SLC35F4: variants seen among roughly 807,000 people sequenced by gnomAD.
SLC35F4 encodes solute carrier family 35 member F4, also known as chromosome 14 open reading frame 36.
In SLC35F4, 24 loss-of-function variants were observed where a neutral mutation model predicts 44.2. That is an observed-to-expected ratio of 0.54 (90% CI 0.39 to 0.76). SLC35F4 has a LOEUF of 0.76. SLC35F4 is among the 30% of genes least tolerant of loss of function. SLC35F4 has a pLI of 0.00. For missense variants in SLC35F4, 562 were observed against 586.1 expected, an observed-to-expected ratio of 0.96 and a Z score of 0.42; for synonymous variants, 238 against 223.6, an observed-to-expected ratio of 1.06 and a Z score of -0.57.
chr14:57,696,360 C>G (rs2075384050), intron 1 of SLC35F4, among the ~76,000 whole-genome samples: 1 of 152,202 alleles, frequency 6.6e-6, no homozygotes, highest in Non-Finnish European at 1.5e-5. Context: ...ATCTAAACCA[C>G]AATGAGATAC....
chr14:57,903,836 A>C (rs1334331792), intron 1 of SLC35F4, among the ~76,000 whole-genome samples: 1 of 152,116 alleles, frequency 6.6e-6, no homozygotes, highest in Non-Finnish European at 1.5e-5. Flanking sequence ...GTCGTTTAAA[A>C]CTCATTTCCA....
chr14:57,881,757 T>C (rs1371894834), intron 1 of SLC35F4, among the ~76,000 whole-genome samples: 2 of 152,126 alleles, frequency 1.3e-5, no homozygotes, highest in African/African-American at 4.8e-5. Flanking sequence ...CTGATCTCCT[T>C]CTTGAACCCC....
intron 1 of SLC35F4, among the ~76,000 whole-genome samples, chr14:57,947,258 T>G (rs1448839570): frequency 4.0e-5 from 6 of 151,804 alleles, no homozygotes; most frequent in Admixed American, 2.6e-4. Context: ...TTTGTTTTTT[T>G]TTTTTTGGTT....
chr14:57,870,370 C>G (rs1442931023), upstream of SLC35F4, among the ~76,000 whole-genome samples: 5 of 152,020 alleles, frequency 3.3e-5, no homozygotes. Context: ...TCATTTCTGA[C>G]CTCATCATTT....
At chr14:57,631,705 C>A (rs1443963470) in intron 1 of SLC35F4, among the ~76,000 whole-genome samples, 1 of 152,066 alleles carries the variant, frequency 6.6e-6, no homozygotes, top group Non-Finnish European at 1.5e-5. Flanking sequence ...AAGCAAGAGT[C>A]AGATCTTCTG....
At chr14:57,697,025 G>A (rs937901591) in intron 1 of SLC35F4, among the ~76,000 whole-genome samples, 9 of 152,122 alleles carry the variant, frequency 5.9e-5, no homozygotes, top group Admixed American at 1.3e-4. Flanking sequence ...ACCATGGCAC[G>A]TGTATACCTA....
Position 57,726,443 on chromosome 14 carries a change from C to T in SLC35F4, c.104-132319G>A, listed in dbSNP as rs988949630. ...AGGACTGCAATTGTCATTAATACTTCCTCCTTCTTTTGTTAAAAACATGTT... is the reference window on the plus strand; with the variant it reads ...AGGACTGCAATTGTCATTAATACTTTCTCCTTCTTTTGTTAAAAACATGTT... On this transcript the variant is annotated intron_variant, in intron 1 of 7. Transcript: ENST00000556826. Among the ~76,000 whole-genome samples, 4 of 152,144 alleles carry T rather than the reference C, an allele frequency of 2.6e-5. No homozygotes were observed. In the East Asian group the frequency reaches 7.7e-4, roughly 29 times the overall value.
Position 57,733,360 on chromosome 14 carries a change from T to TAAA in SLC35F4, c.103+132360_103+132362dup, listed in dbSNP as rs71104585. Among the ~76,000 whole-genome samples, 706 of 138,442 alleles carry TAAA rather than the reference T, an allele frequency of 5.1e-3. 11 individuals are homozygous for TAAA. Among genetic ancestry groups the TAAA allele is most frequent in the African/African-American group, 0.018 (674 of 36,520 alleles). The allele number at this position is 138,442 out of a possible 152,430, so 90.8% of individuals were successfully genotyped here. ...TGCTACAAGGAGAGTCAATTTTCTT[T>TAAA]AAAAAAAAAAAAAAAAAAAAATCCC... On this transcript the variant is annotated intron_variant, in intron 1 of 7. Transcript: ENST00000556826.
intron 4 of SLC35F4, among the ~76,000 whole-genome samples, chr14:57,574,234 T>C (rs751045418): frequency 6.6e-6 from 1 of 152,324 alleles, no homozygotes; most frequent in African/African-American, 2.4e-5. Flanking sequence ...AGATAGGAAT[T>C]GAACATGGGT....
At chr14:57,641,461 C>T (rs2073234525) in intron 1 of SLC35F4, among the ~76,000 whole-genome samples, 2 of 151,842 alleles carry the variant, frequency 1.3e-5, no homozygotes, top group Admixed American at 6.6e-5. Context: ...CAGAAACACC[C>T]CCAAAAATAA....
intron 1 of SLC35F4, among the ~76,000 whole-genome samples, chr14:57,803,563 C>T (rs868838405): frequency 6.8e-6 from 1 of 148,118 alleles, no homozygotes; most frequent in African/African-American, 2.5e-5. Context: ...ACCCCATTGT[C>T]TCAGCCCAAA....
At chr14:57,858,312 A>C (rs1213142050) in intron 1 of SLC35F4, among the ~76,000 whole-genome samples, 1 of 152,082 alleles carries the variant, frequency 6.6e-6, no homozygotes, top group African/African-American at 2.4e-5. Context: ...TGGATTAAGA[A>C]AATGTGGCAC....
intron 1 of SLC35F4, among the ~76,000 whole-genome samples, chr14:57,954,597 C>G (rs1365330949): frequency 6.6e-6 from 1 of 152,116 alleles, no homozygotes; most frequent in African/African-American, 2.4e-5. Flanking sequence ...GGAGATATCA[C>G]CACTGATCCC....
chr14:57,671,025 C>A (rs1339823852), intron 1 of SLC35F4, among the ~76,000 whole-genome samples: 1 of 151,560 alleles, frequency 6.6e-6, no homozygotes, highest in Non-Finnish European at 1.5e-5. Context: ...CTGCCTCAGC[C>A]TCCTGAGTAG....
intron 1 of SLC35F4, among the ~76,000 whole-genome samples, chr14:57,631,730 AG>A (rs1206210249): frequency 6.6e-6 from 1 of 152,156 alleles, no homozygotes; most frequent in Non-Finnish European, 1.5e-5. Flanking sequence ...TTTGATTATC[AG>A]TGTAGTACCT....
chr14:57,823,523 C>T (rs1030916226), intron 1 of SLC35F4, among the ~76,000 whole-genome samples: 4 of 152,158 alleles, frequency 2.6e-5, no homozygotes, highest in African/African-American at 9.7e-5. Context: ...CCCTGAGGGG[C>T]CCTGCTGTCT....
chr14:57,850,996 C>CA (rs35669505), intron 1 of SLC35F4, among the ~76,000 whole-genome samples: 1 of 152,066 alleles, frequency 6.6e-6, no homozygotes, highest in Non-Finnish European at 1.5e-5. Flanking sequence ...CCTCTTCCTG[C>CA]AAAAAAGCTA....
At chr14:57,933,483 C>A (rs1362788349) in intron 1 of SLC35F4, among the ~76,000 whole-genome samples, 5 of 152,064 alleles carry the variant, frequency 3.3e-5, no homozygotes, top group Admixed American at 3.3e-4. Context: ...CTTGTTTAAT[C>A]AGTGAGGGCC....
chr14:57,786,622 G>A (rs755600913), intron 1 of SLC35F4, among the ~76,000 whole-genome samples: 33 of 152,136 alleles, frequency 2.2e-4, no homozygotes, highest in Admixed American at 9.2e-4. Context: ...GTACCAGCCC[G>A]GAGCCAGGTA....
Sources: gnomAD v4.1 joint callset for allele counts (sites outside exome capture counted in the v4.1 genomes callset) on GRCh38, gnomAD v4.1.1 for gene constraint, MANE v1.5 for transcripts, NCBI Gene and HGNC (gene_info 2026-07-23, HGNC 2026-07-21) for gene names.